The following FOXP2 variants were observed in gnomAD, a reference collection of about 807,000 sequenced individuals.
FOXP2 encodes forkhead box P2.
In FOXP2, 12 loss-of-function variants were observed where a neutral mutation model predicts 115.8. That is an observed-to-expected ratio of 0.10 (90% CI 0.07 to 0.17). FOXP2 has a LOEUF of 0.17. Among genes scored for constraint, FOXP2 ranks in the 10% least tolerant of loss-of-function variants. FOXP2 has a pLI of 1.00. For missense variants in FOXP2, 629 were observed against 843.5 expected, an observed-to-expected ratio of 0.75 and a Z score of 3.15; for synonymous variants, 328 against 297.7, an observed-to-expected ratio of 1.10 and a Z score of -1.05.
intron 2 of FOXP2, chr7:114,297,094 GAGGGC>G: frequency 2.4e-6 from 1 of 422,338 alleles, no homozygotes; most frequent in Non-Finnish European, 4.7e-6. Context: ...ATTTCAGGGA[GAGGGC>G]AGGGCAGGGG....
At chr7:114,518,733 T>C (rs1798466307) in intron 2 of FOXP2, among the ~76,000 whole-genome samples, 2 of 152,150 alleles carry the variant, frequency 1.3e-5, no homozygotes. Context: ...CTTGAACTCC[T>C]GATCTCAAGT....
At position 114,534,628 on chromosome 7, in the gene FOXP2, A is replaced by C; in HGVS notation, c.180A>C (p.Ala60=). 1 of 1,611,954 alleles carries C rather than the reference A, an allele frequency of 6.2e-7. No homozygotes were observed. The highest frequency in any genetic ancestry group is 8.5e-7 in the Non-Finnish European group (1 of 1,178,434). The change falls in exon 3 of 17, where the codon GCA becomes GCC. Residue 60 remains alanine (A), a synonymous_variant. Coordinates refer to ENST00000350908, the MANE Select transcript of FOXP2 (RefSeq NM_014491.4). The part of the protein sequence containing the change: ...LHLQQQQALQ[A]ARQLLLQQQT... ...ATTTTTACTTCTAGGCTCTCCAGGC[A>C]GCAAGACAACTTCTTTTACAGCAGC...
At chr7:114,159,228 C>A (rs1028337247), upstream of FOXP2, among the ~76,000 whole-genome samples, 1 of 151,852 alleles carries the variant, frequency 6.6e-6, no homozygotes, top group Non-Finnish European at 1.5e-5. Context: ...TCATGCAAAC[C>A]AAAGGAAGAG....
chr7:114,522,841 G>T (rs1378048657), intron 2 of FOXP2, among the ~76,000 whole-genome samples: 2 of 152,028 alleles, frequency 1.3e-5, no homozygotes, highest in African/African-American at 4.8e-5. Flanking sequence ...ATAGAAAACA[G>T]ATTTCTCCCT....
Position 114,116,115 on chromosome 7 carries a change from C to G in FOXP2, c.-247+28277C>G, listed in dbSNP as rs555148763. Among the ~76,000 whole-genome samples the G allele has an allele frequency of 3.3e-5, 5 of 152,200 alleles. No individual in the cohort carries two copies. In the East Asian group the frequency reaches 7.7e-4, roughly 24 times the overall value. On this transcript the variant is annotated intron_variant, in intron 1 of 19. Transcript: ENST00000635638. ...ATAGACAGAGTAGCTCATGTAAAACCTGGATAGTGTGAGCAGTTAACAAGT... is the reference window on the plus strand; with the variant it reads ...ATAGACAGAGTAGCTCATGTAAAACGTGGATAGTGTGAGCAGTTAACAAGT...
intron 2 of FOXP2, among the ~76,000 whole-genome samples, chr7:114,533,744 G>A (rs1799248569): frequency 6.6e-6 from 1 of 151,814 alleles, no homozygotes; most frequent in Non-Finnish European, 1.5e-5. Context: ...ACTCTTAAAA[G>A]TTTTTGTTAA....
chr7:114,221,946 G>T (rs1794634712), intron 1 of FOXP2, among the ~76,000 whole-genome samples: 1 of 152,010 alleles, frequency 6.6e-6, no homozygotes, highest in Admixed American at 6.6e-5. Flanking sequence ...CTGACTGCTT[G>T]TTTATCTCAA....
intron 1 of FOXP2, among the ~76,000 whole-genome samples, chr7:114,182,489 T>C (rs1279217008): frequency 1.3e-5 from 2 of 152,114 alleles, no homozygotes; most frequent in Non-Finnish European, 2.9e-5. Flanking sequence ...TTAGGACTTG[T>C]TTTGCCTTTT....
At chr7:114,494,265 C>T (rs554064249) in intron 2 of FOXP2, among the ~76,000 whole-genome samples, 3 of 152,212 alleles carry the variant, frequency 2.0e-5, no homozygotes, top group African/African-American at 7.2e-5. Flanking sequence ...CTTGAAATTA[C>T]TCCTAAGTTG....
chr7:114,691,929 C>CAAAAAAAAAAAAAAAAAAAAAA lies in FOXP2; in HGVS notation c.*2016_*2017insAAAAAAAAAAAAAAAAAAAAAA. 4.0e-6 allele frequency: 1 copy of CAAAAAAAAAAAAAAAAAAAAAA among 250,936 alleles called. No individual in the cohort carries two copies. The highest frequency in any genetic ancestry group is 7.2e-6 in the Non-Finnish European group (1 of 138,916). 15.5% of individuals were successfully genotyped at this position (250,936 alleles called of 1,614,324 possible). ...GGCTTTCTGAAAGCTTCTACCTCTG[C>CAAAAAAAAAAAAAAAAAAAAAA]AAAAAAAAAAAAAGAAAAAAAAAAA... On this transcript the variant is annotated 3_prime_UTR_variant, in exon 17 of 17. Transcript: ENST00000350908.
intron 3 of FOXP2, among the ~76,000 whole-genome samples, chr7:114,544,846 T>C (rs1341298016): frequency 1.3e-5 from 2 of 152,236 alleles, no homozygotes; most frequent in Non-Finnish European, 2.9e-5. Context: ...TGGCCATCAT[T>C]TGAAGTTTTC....
chr7:114,129,828 G>T (rs774409614), intron 1 of FOXP2, among the ~76,000 whole-genome samples: 2 of 152,270 alleles, frequency 1.3e-5, no homozygotes, highest in South Asian at 4.1e-4. Flanking sequence ...TTCACATACT[G>T]TAGAAATAAA....
intron 1 of FOXP2, among the ~76,000 whole-genome samples, chr7:114,254,153 A>T (rs140776177): frequency 5.9e-5 from 9 of 152,114 alleles, no homozygotes; most frequent in African/African-American, 1.9e-4. Flanking sequence ...GAGTTTCTGC[A>T]GAGAGATCTG....
At chr7:114,466,787 T>G (rs1377560777) in intron 2 of FOXP2, among the ~76,000 whole-genome samples, 1 of 152,210 alleles carries the variant, frequency 6.6e-6, no homozygotes, top group Non-Finnish European at 1.5e-5. Context: ...AGAGACATGT[T>G]TTATATGAAT....
At chr7:114,633,832 T>C (rs1206699120) in intron 6 of FOXP2, among the ~76,000 whole-genome samples, 2 of 152,120 alleles carry the variant, frequency 1.3e-5, no homozygotes, top group Middle Eastern at 3.2e-3. Context: ...TCTTCCTTAG[T>C]TAGAGGTTAA....
At position 114,423,773 on chromosome 7, in the gene FOXP2, G is replaced by T. The variant is rs533653079; in HGVS notation, c.-10-2729G>T. On this transcript the variant is annotated intron_variant, in intron 1 of 16. Transcript: ENST00000350908. Reference sequence around the variant, plus strand: ...TATTTCCTATATTGGGAAATAAGTGGAAGTGTTACCAAGAGAAACTTAGTA... The same window carrying T: ...TATTTCCTATATTGGGAAATAAGTGTAAGTGTTACCAAGAGAAACTTAGTA... Among the ~76,000 whole-genome samples the T allele has an allele frequency of 3.3e-5, 5 of 151,684 alleles. No homozygotes were observed. The South Asian group carries it at 1.0e-3, about 31-fold the overall frequency.
At chr7:114,486,933 A>G (rs903426822) in intron 2 of FOXP2, among the ~76,000 whole-genome samples, 3 of 152,244 alleles carry the variant, frequency 2.0e-5, no homozygotes, top group Admixed American at 6.5e-5. Context: ...CTGAGTGTGC[A>G]GCTTTTCTAG....
intron 1 of FOXP2, among the ~76,000 whole-genome samples, chr7:114,149,268 C>T (rs914641909): frequency 6.6e-6 from 1 of 151,900 alleles, no homozygotes; most frequent in African/African-American, 2.4e-5. Flanking sequence ...GAGTCCTACT[C>T]TTTTACCAGT....
intron 2 of FOXP2, among the ~76,000 whole-genome samples, chr7:114,478,588 C>T (rs1796389277): frequency 6.6e-6 from 1 of 151,778 alleles, no homozygotes; most frequent in Non-Finnish European, 1.5e-5. Flanking sequence ...TTAGCATCAT[C>T]CTGATTCATG....
Sources: allele counts gnomAD v4.1 joint callset (sites outside exome capture counted in the v4.1 genomes callset), GRCh38; gene constraint gnomAD v4.1.1; transcripts MANE v1.5; gene names NCBI Gene and HGNC (gene_info 2026-07-23, HGNC 2026-07-21).